The following ACCSL variants were observed in gnomAD, a reference collection of about 807,000 sequenced individuals.
ACCSL encodes the protein probable inactive 1-aminocyclopropane-1-carboxylate synthase-like protein 2.
A neutral mutation model predicts 61.7 loss-of-function variants in ACCSL; 55 were observed. That is an observed-to-expected ratio of 0.89 (90% confidence interval 0.72 to 1.12). The LOEUF (loss-of-function observed/expected upper bound fraction) is 1.12, where lower values mean the gene tolerates loss of function less well. Among genes scored for constraint, ACCSL ranks in the 50% most tolerant of loss-of-function variants. ACCSL has a pLI of 0.00. For synonymous variants in ACCSL, 258 were observed against 264.3 expected, an observed-to-expected ratio of 0.98 and a Z score of 0.23; for missense variants, 632 against 698.0, an observed-to-expected ratio of 0.91 and a Z score of 1.07.
the ACCSL span, among the ~76,000 whole-genome samples, chr11:44,036,194 C>T: frequency 2.0e-5 from 3 of 152,198 alleles, no homozygotes; most frequent in Non-Finnish European, 2.9e-5. Flanking sequence ...GGTGACCTTC[C>T]TCCTCCCCAG....
chr11:44,033,762 TG>T, the ACCSL span, among the ~76,000 whole-genome samples: 3 of 151,948 alleles, frequency 2.0e-5, no homozygotes, highest in Admixed American at 2.0e-4. Context: ...AGACCTTGTT[TG>T]GGGGGAGAGT....
the ACCSL span, among the ~76,000 whole-genome samples, chr11:43,974,303 C>T: frequency 6.6e-6 from 1 of 152,160 alleles, no homozygotes; most frequent in Admixed American, 6.5e-5. Context: ...ACACCTCTTT[C>T]CTAGTTTCTG....
At chr11:44,051,856 C>G (rs1199808201) in intron 5 of ACCSL, 137 bp downstream of exon 5, 8 of 946,408 alleles carry the variant, frequency 8.5e-6, no homozygotes, top group Non-Finnish European at 1.3e-5. Context: ...TTCTCCCACA[C>G]TGACTAGGTT....
the ACCSL span, among the ~76,000 whole-genome samples, chr11:44,027,067 T>C: frequency 0.4 from 60,925 of 152,062 alleles, 12,712 homozygotes; most frequent in Admixed American, 0.42. Context: ...TCATGCGTGA[T>C]CCCTGAAGTC....
intron 1 of ACCSL, 89 bp downstream of exon 1, chr11:44,048,629 T>G (rs1031040299): frequency 1.5e-4 from 170 of 1,150,522 alleles, no homozygotes; most frequent in Middle Eastern, 2.4e-4. Context: ...CTATATATGC[T>G]CTCATTCTTT....
At chr11:43,984,592 C>G in the ACCSL span, among the ~76,000 whole-genome samples, 5 of 152,228 alleles carry the variant, frequency 3.3e-5, no homozygotes, top group African/African-American at 7.2e-5. Flanking sequence ...CAACCAGGCT[C>G]AGAATAAATT....
the ACCSL span, among the ~76,000 whole-genome samples, chr11:43,925,818 G>A: frequency 2.4e-4 from 36 of 152,278 alleles, 1 homozygote; most frequent in Middle Eastern, 3.4e-3. Context: ...TTCCTCCACC[G>A]TGAAATGGAC....
the ACCSL span, among the ~76,000 whole-genome samples, chr11:43,953,721 A>G: frequency 2.7e-3 from 409 of 152,210 alleles, 4 homozygotes; most frequent in African/African-American, 9.3e-3. Flanking sequence ...CACCTATATG[A>G]TGTAAAAGGG....
At chr11:44,041,943 T>C in the ACCSL span, among the ~76,000 whole-genome samples, 2 of 152,208 alleles carry the variant, frequency 1.3e-5, no homozygotes, top group Non-Finnish European at 1.5e-5. Context: ...TCTATAGATA[T>C]AATTGATTTT....
the ACCSL span, among the ~76,000 whole-genome samples, chr11:43,993,079 T>C: frequency 1.4e-5 from 2 of 147,674 alleles, no homozygotes; most frequent in African/African-American, 4.9e-5. Flanking sequence ...GGAATCACAG[T>C]CTTCCAGCTA....
chr11:44,040,007 A>T, the ACCSL span, among the ~76,000 whole-genome samples: 1 of 152,348 alleles, frequency 6.6e-6, no homozygotes, highest in African/African-American at 2.4e-5. Flanking sequence ...ACAAGGAGAA[A>T]CTGAAAACCA....
the ACCSL span, among the ~76,000 whole-genome samples, chr11:44,023,728 G>A: frequency 3.3e-5 from 5 of 150,410 alleles, no homozygotes; most frequent in East Asian, 3.9e-4. Context: ...ATTTCTGAAG[G>A]TGGAAAGTTA....
At chr11:44,044,136 G>A (rs1000619415), upstream of ACCSL, among the ~76,000 whole-genome samples, 7 of 152,102 alleles carry the variant, frequency 4.6e-5, no homozygotes, top group Admixed American at 3.3e-4. Flanking sequence ...ACCAAAATAC[G>A]GTATGATTTA....
At chr11:44,034,246 C>T in the ACCSL span, among the ~76,000 whole-genome samples, 1 of 152,198 alleles carries the variant, frequency 6.6e-6, no homozygotes, top group Non-Finnish European at 1.5e-5. Context: ...GCCCATAGCT[C>T]ACCCCAGAGA....
At chr11:44,055,562 T>C (rs1952666153) in intron 9 of ACCSL, among the ~76,000 whole-genome samples, 1 of 152,222 alleles carries the variant, frequency 6.6e-6, no homozygotes, top group Non-Finnish European at 1.5e-5. Context: ...TAGGAGATTC[T>C]TGATAAGTAG....
At chr11:43,931,946 T>A in the ACCSL span, among the ~76,000 whole-genome samples, 1 of 129,422 alleles carries the variant, frequency 7.7e-6, no homozygotes, top group Non-Finnish European at 1.8e-5. Flanking sequence ...CACCCTGGTG[T>A]TCACAGGGCA....
At chr11:43,973,429 TCTATCTA>T in the ACCSL span, among the ~76,000 whole-genome samples, 1 of 151,048 alleles carries the variant, frequency 6.6e-6, no homozygotes, top group Non-Finnish European at 1.5e-5. Flanking sequence ...TATCTATCTA[TCTATCTA>T]TCTATCTATC....
the ACCSL span, among the ~76,000 whole-genome samples, chr11:44,000,370 T>G: frequency 6.6e-6 from 1 of 151,484 alleles, no homozygotes; most frequent in Non-Finnish European, 1.5e-5. Context: ...GGTGATCCCC[T>G]GCCTCTGCCT....
Position 44,048,182 on chromosome 11 carries a change from G to A in ACCSL, c.146G>A (p.Ser49Asn). The A allele has an allele frequency of 6.2e-7, 1 of 1,614,188 alleles. No homozygotes were observed. Among genetic ancestry groups the A allele is most frequent in the Non-Finnish European group, 8.5e-7 (1 of 1,180,044 alleles). ...ACGGAGCACTTCGTGCAGCTGACGA[G>A]CAGACAGGGCCTGTCGCTGGAGGAA... ...AMTEHFVQLT[S>N]RQGLSLEERR... Residue 49 changes from serine to asparagine, a missense_variant, in exon 1 of 14, where the codon AGC becomes AAC. Transcript: ENST00000378832.
Sources: gnomAD v4.1 joint callset for allele counts (sites outside exome capture counted in the v4.1 genomes callset) on GRCh38, gnomAD v4.1.1 for gene constraint, MANE v1.5 for transcripts, NCBI Gene and HGNC (gene_info 2026-07-23, HGNC 2026-07-21) for gene names.